Variants in SEC23A observed in about 807,000 individuals in gnomAD.
SEC23A encodes the protein SEC23 homolog A, COPII component.
Under a neutral mutation model 103.7 loss-of-function variants are expected in SEC23A, and 56 were observed. The observed-to-expected ratio is 0.54, with a 90% CI of 0.44 to 0.67. The LOEUF (loss-of-function observed/expected upper bound fraction) is 0.67. Among genes scored for constraint, SEC23A ranks in the 30% least tolerant of loss-of-function variants. SEC23A has a pLI of 0.00. For missense variants in SEC23A, 784 were observed against 936.4 expected, an observed-to-expected ratio of 0.84 and a Z score of 2.12; for synonymous variants, 281 against 293.0, an observed-to-expected ratio of 0.96 and a Z score of 0.42.
Position 39,091,520 on chromosome 14 carries a change from T to C in SEC23A, c.560A>G (p.Tyr187Cys), listed in dbSNP as rs768885923. 3.9e-5 allele frequency: 63 copies of C among 1,613,896 alleles called. No individual in the cohort carries two copies. The highest frequency in any genetic ancestry group is 4.7e-5 in the Non-Finnish European group (55 of 1,179,970). The change falls in exon 5 of 20, where the codon TAT becomes TGT. Residue 187 changes from tyrosine to cysteine, a missense_variant. Coordinates refer to ENST00000307712, the MANE Select transcript of SEC23A (RefSeq NM_006364.4). ...CAAATCTTTTGTTCCTCTGAAGACATAGCTTTTTGAAATGCCTTCACATCC... is the reference window on the plus strand; with the variant it reads ...CAAATCTTTTGTTCCTCTGAAGACACAGCTTTTTGAAATGCCTTCACATCC... ...ELGCEGISKS[Y>C]VFRGTKDLSA...
intron 1 of SEC23A, among the ~76,000 whole-genome samples, chr14:39,098,466 C>CA (rs1887969047): frequency 6.6e-6 from 1 of 151,990 alleles, no homozygotes; most frequent in Non-Finnish European, 1.5e-5. Flanking sequence ...TATGTACCCA[C>CA]AAAAATTAAA....
At chr14:39,059,192 T>C (rs1886364178) in intron 13 of SEC23A, among the ~76,000 whole-genome samples, 1 of 150,744 alleles carries the variant, frequency 6.6e-6, no homozygotes, top group African/African-American at 2.4e-5. Context: ...TAGAGTAACT[T>C]TGTCTTCTCA....
chr14:39,053,227 G>A (rs1451069634), intron 14 of SEC23A, among the ~76,000 whole-genome samples: 2 of 152,192 alleles, frequency 1.3e-5, no homozygotes, highest in Non-Finnish European at 2.9e-5. Flanking sequence ...GTCACATGAT[G>A]CTGGAGACAT....
intron 13 of SEC23A, 72 bp from the exon 14 acceptor site, chr14:39,055,368 C>A: frequency 2.8e-5 from 39 of 1,402,408 alleles, no homozygotes; most frequent in Non-Finnish European, 3.7e-5. Flanking sequence ...GGCTACCACA[C>A]AAATTTAAAT....
At chr14:39,094,391 CACACACATATATAT>C (rs1231885773) in intron 2 of SEC23A, among the ~76,000 whole-genome samples, 943 of 39,438 alleles carry the variant, frequency 0.024, 194 homozygotes, top group East Asian at 0.091. Flanking sequence ...CACACACACA[CACACACATATATAT>C]ATATATATAT....
chr14:39,068,697 A>T (rs1886752570), intron 9 of SEC23A, among the ~76,000 whole-genome samples: 1 of 152,226 alleles, frequency 6.6e-6, no homozygotes, highest in African/African-American at 2.4e-5. Context: ...TTTATATGAT[A>T]CACATGCATA....
intron 1 of SEC23A, among the ~76,000 whole-genome samples, chr14:39,099,149 T>C (rs1162380862): frequency 7.1e-6 from 1 of 141,586 alleles, no homozygotes; most frequent in African/African-American, 2.5e-5. Context: ...TTAAATTGTT[T>C]TTGGGTTTTT....
intron 7 of SEC23A, among the ~76,000 whole-genome samples, chr14:39,076,669 T>C (rs1887036065): frequency 6.6e-6 from 1 of 151,908 alleles, no homozygotes; most frequent in Non-Finnish European, 1.5e-5. Flanking sequence ...CTCGCACTTG[T>C]AATCCCAGCA....
At chr14:39,038,313 A>C (rs1885525352) in intron 19 of SEC23A, among the ~76,000 whole-genome samples, 1 of 152,094 alleles carries the variant, frequency 6.6e-6, no homozygotes, top group Non-Finnish European at 1.5e-5. Context: ...TCCTCTTCTA[A>C]CCTTTGTAAT....
At chr14:39,075,791 G>T in intron 8 of SEC23A, 144 bp downstream of exon 8, 1 of 716,076 alleles carries the variant, frequency 1.4e-6, no homozygotes, top group Non-Finnish European at 2.4e-6. Flanking sequence ...AAGAAAAAAT[G>T]AATATTTCTC....
chr14:39,052,160 G>C (rs1005041223), intron 14 of SEC23A, among the ~76,000 whole-genome samples: 4 of 152,102 alleles, frequency 2.6e-5, no homozygotes, highest in African/African-American at 4.8e-5. Context: ...CCTGTGGGGA[G>C]TGAGGGGAGG....
intron 3 of SEC23A, 157 bp downstream of exon 3, chr14:39,093,030 A>T: frequency 9.8e-6 from 5 of 511,164 alleles, no homozygotes; most frequent in African/African-American, 2.0e-5. Context: ...CGCCCAGCTA[A>T]TTTTTTTTTT....
chr14:39,075,014 G>A (rs754506559), intron 8 of SEC23A, among the ~76,000 whole-genome samples: 1 of 152,300 alleles, frequency 6.6e-6, no homozygotes, highest in Non-Finnish European at 1.5e-5. Context: ...GGCTGAGGCA[G>A]GAGAATGGCA....
chr14:39,066,694 G>A (rs1020970245), intron 10 of SEC23A, among the ~76,000 whole-genome samples: 17 of 151,882 alleles, frequency 1.1e-4, no homozygotes, highest in African/African-American at 1.7e-4. Context: ...GTGACACTGC[G>A]TCTCTACTAA....
At chr14:39,047,659 A>G (rs1417403968) in intron 15 of SEC23A, among the ~76,000 whole-genome samples, 2 of 152,174 alleles carry the variant, frequency 1.3e-5, no homozygotes, top group Non-Finnish European at 2.9e-5. Flanking sequence ...GATATATAAA[A>G]TCATCCATTT....
chr14:39,039,872 C>A (rs1256186575), intron 18 of SEC23A: 2 of 152,100 alleles, frequency 1.3e-5, no homozygotes, highest in African/African-American at 4.8e-5. Flanking sequence ...CACTAGAATT[C>A]TTATGAGGAT....
chr14:39,041,637 A>G (rs1400727299), intron 17 of SEC23A, among the ~76,000 whole-genome samples: 1 of 152,042 alleles, frequency 6.6e-6, no homozygotes, highest in Non-Finnish European at 1.5e-5. Context: ...CGGGAAGCCA[A>G]CACGGGCGGA....
chr14:39,099,228 A>T (rs1259865399), intron 1 of SEC23A, among the ~76,000 whole-genome samples: 1 of 137,042 alleles, frequency 7.3e-6, no homozygotes, highest in Non-Finnish European at 1.5e-5. Context: ...GGGCAATCTC[A>T]GCTCACTGCA....
At chr14:39,039,644 G>T (rs924203093) in intron 18 of SEC23A, 3 of 153,230 alleles carry the variant, frequency 2.0e-5, no homozygotes, top group African/African-American at 7.2e-5. Context: ...GAACCAGTAA[G>T]ATTTTTAACT....
Sources: allele counts gnomAD v4.1 joint callset (sites outside exome capture counted in the v4.1 genomes callset), GRCh38; gene constraint gnomAD v4.1.1; transcripts MANE v1.5; gene names NCBI Gene and HGNC (gene_info 2026-07-23, HGNC 2026-07-21).